Variants in CCDC170 observed in about 807,000 individuals in gnomAD.
CCDC170 encodes coiled-coil domain containing 170.
Under a neutral mutation model 72.6 loss-of-function variants are expected in CCDC170, and 69 were observed. The ratio of observed to expected loss-of-function variants is 0.95; its 90% confidence interval spans 0.78 to 1.16. CCDC170 has a LOEUF of 1.16. Among genes scored for constraint, CCDC170 ranks in the 50% most tolerant of loss-of-function variants. The pLI, the probability that CCDC170 is intolerant of heterozygous loss-of-function variation, is 0.00. For missense variants in CCDC170, 852 were observed against 832.5 expected (o/e 1.02, Z -0.29); for synonymous variants, 300 against 303.9 (o/e 0.99, Z 0.13).
intron 1 of CCDC170, among the ~76,000 whole-genome samples, chr6:151,520,205 A>G (rs573122557): frequency 9.2e-5 from 14 of 152,354 alleles, no homozygotes; most frequent in African/African-American, 2.9e-4. Flanking sequence ...CTTATTAAAA[A>G]TTAAACACAC....
chr6:151,505,063 G>A (rs1370404832), intron 1 of CCDC170, among the ~76,000 whole-genome samples: 2 of 152,150 alleles, frequency 1.3e-5, no homozygotes, highest in Non-Finnish European at 2.9e-5. Flanking sequence ...GTCAGGTAGA[G>A]AGTAAAAAGT....
chr6:151,494,223 C>T, intron 1 of CCDC170, 38 bp downstream of exon 1: 2 of 1,482,262 alleles, frequency 1.3e-6, no homozygotes, highest in Non-Finnish European at 8.9e-7. Flanking sequence ...GGGGGTGGCC[C>T]TGGGGATAGA....
At chr6:151,561,134 A>G (rs561261628) in intron 5 of CCDC170, among the ~76,000 whole-genome samples, 86 of 152,196 alleles carry the variant, frequency 5.7e-4, no homozygotes, top group African/African-American at 1.9e-3. Flanking sequence ...ATATTTTGAT[A>G]CAGCCATGCA....
chr6:151,499,527 C>T (rs1246615984), intron 1 of CCDC170, among the ~76,000 whole-genome samples: 5 of 122,502 alleles, frequency 4.1e-5, no homozygotes, highest in African/African-American at 8.0e-5. Flanking sequence ...CTGTATTTGA[C>T]TATTCTAGGC....
intron 7 of CCDC170, among the ~76,000 whole-genome samples, chr6:151,587,294 T>C (rs2115106363): frequency 6.6e-6 from 1 of 152,028 alleles, no homozygotes; most frequent in Middle Eastern, 3.4e-3. Flanking sequence ...CAAAAGCCAG[T>C]TTGTTTGTGC....
At chr6:151,596,902 C>T (rs957168091) in intron 9 of CCDC170, among the ~76,000 whole-genome samples, 1 of 152,166 alleles carries the variant, frequency 6.6e-6, no homozygotes, top group Non-Finnish European at 1.5e-5. Flanking sequence ...TCTTGGCTCA[C>T]CACAACCTCC....
intron 1 of CCDC170, among the ~76,000 whole-genome samples, chr6:151,533,496 C>G (rs2115043342): frequency 6.6e-6 from 1 of 151,880 alleles, no homozygotes; most frequent in East Asian, 2.0e-4. Context: ...GGAGAAACCC[C>G]ATCTCTACTA....
intron 1 of CCDC170, among the ~76,000 whole-genome samples, chr6:151,515,280 C>T (rs1782218040): frequency 6.6e-6 from 1 of 152,192 alleles, no homozygotes; most frequent in Non-Finnish European, 1.5e-5. Context: ...AAGTCTCCAT[C>T]AATTTATTTA....
At chr6:151,539,121 G>A (rs75687682) in intron 3 of CCDC170, among the ~76,000 whole-genome samples, 7,883 of 152,154 alleles carry the variant, frequency 0.052, 304 homozygotes, top group East Asian at 0.21. Flanking sequence ...TTAGCTGGGC[G>A]TGGTGCCAGG....
rs114637023 is a variant in CCDC170 at position 151,552,219 on chromosome 6, T to C, written c.774+3730T>C. ...TTGGCAAGAATATTATGTATTATATTTCACATTGCATTCTATTAGAAGGCA... is the reference window on the plus strand; with the variant it reads ...TTGGCAAGAATATTATGTATTATATCTCACATTGCATTCTATTAGAAGGCA... On this transcript the variant is annotated intron_variant, in intron 5 of 10. Coordinates refer to ENST00000239374, the MANE Select transcript of CCDC170 (RefSeq NM_025059.4). 8.8e-3 allele frequency among the ~76,000 whole-genome samples: 1,339 copies of C among 152,268 alleles called. 8 individuals are homozygous for C. The highest frequency in any genetic ancestry group is 0.03 in the African/African-American group (1,256 of 41,538).
chr6:151,495,924 C>T (rs150282535), intron 1 of CCDC170, among the ~76,000 whole-genome samples: 3 of 152,254 alleles, frequency 2.0e-5, no homozygotes, highest in East Asian at 3.9e-4. Flanking sequence ...CTAATATACA[C>T]GACCTACTAA....
intron 10 of CCDC170, 193 bp downstream of exon 10, chr6:151,615,872 G>A (rs977114187): frequency 3.6e-6 from 2 of 553,500 alleles, no homozygotes; most frequent in African/African-American, 3.8e-5. Context: ...TGCTCCCGAA[G>A]CGAGAACTAG....
At chr6:151,533,582 G>A (rs556734641) in intron 1 of CCDC170, among the ~76,000 whole-genome samples, 2 of 151,320 alleles carry the variant, frequency 1.3e-5, no homozygotes, top group African/African-American at 2.4e-5. Context: ...CAGGAGAATC[G>A]CTTGAACCTA....
intron 1 of CCDC170, among the ~76,000 whole-genome samples, chr6:151,501,216 A>T (rs2115018122): frequency 6.6e-6 from 1 of 152,284 alleles, no homozygotes; most frequent in Non-Finnish European, 1.5e-5. Flanking sequence ...GATATTCTAC[A>T]ATATGTTGAC....
At chr6:151,578,403 T>G (rs192661333) in intron 6 of CCDC170, among the ~76,000 whole-genome samples, 2 of 152,288 alleles carry the variant, frequency 1.3e-5, no homozygotes, top group Admixed American at 1.3e-4. Context: ...CCTCAGGCAT[T>G]GCATTCTTTG....
At chr6:151,523,609 C>A (rs1373018590) in intron 1 of CCDC170, among the ~76,000 whole-genome samples, 1 of 151,718 alleles carries the variant, frequency 6.6e-6, no homozygotes, top group Non-Finnish European at 1.5e-5. Flanking sequence ...TCTCTTGAAC[C>A]CAGGAGGTGG....
chr6:151,534,571 GA>G (rs1782546651), intron 1 of CCDC170, among the ~76,000 whole-genome samples: 1 of 152,128 alleles, frequency 6.6e-6, no homozygotes, highest in African/African-American at 2.4e-5. Context: ...TCCGACTATT[GA>G]ATGAGTCTGA....
At chr6:151,512,642 C>T (rs556664056) in intron 1 of CCDC170, among the ~76,000 whole-genome samples, 1 of 151,986 alleles carries the variant, frequency 6.6e-6, no homozygotes, top group East Asian at 1.9e-4. Context: ...TGGGTAAGCC[C>T]GAGTTCCTCC....
At chr6:151,501,263 G>A (rs1375051580) in intron 1 of CCDC170, among the ~76,000 whole-genome samples, 1 of 152,050 alleles carries the variant, frequency 6.6e-6, no homozygotes, top group Admixed American at 6.6e-5. Flanking sequence ...AGGATTTGGG[G>A]AGACTAAGGA....
Sources: gnomAD v4.1 joint callset for allele counts (sites outside exome capture counted in the v4.1 genomes callset) on GRCh38, gnomAD v4.1.1 for gene constraint, MANE v1.5 for transcripts, NCBI Gene and HGNC (gene_info 2026-07-23, HGNC 2026-07-21) for gene names.